Variants in RAI14 observed in about 807,000 individuals in gnomAD.
RAI14 encodes the protein retinoic acid induced 14, also known as ankycorbin.
Under a neutral mutation model 115.4 loss-of-function variants are expected in RAI14, and 45 were observed. The observed-to-expected ratio is 0.39, with a 90% CI of 0.31 to 0.50. The LOEUF (loss-of-function observed/expected upper bound fraction) is 0.50. RAI14 is among the 20% of genes least tolerant of loss of function. The pLI, the probability that RAI14 is intolerant of heterozygous loss-of-function variation, is 0.85. For missense variants in RAI14, 939 were observed against 1,131.2 expected (o/e 0.83, Z 2.44); for synonymous variants, 371 against 415.4 (o/e 0.89, Z 1.30).
intron 1 of RAI14, chr5:34,686,348 G>A (rs1283464603): frequency 6.6e-6 from 1 of 151,916 alleles, no homozygotes; most frequent in African/African-American, 2.4e-5. Context: ...ATGTGGGAGT[G>A]GGGGGTTGGG....
chr5:34,763,992 C>T (rs1749017647), intron 3 of RAI14, among the ~76,000 whole-genome samples: 1 of 152,148 alleles, frequency 6.6e-6, no homozygotes, highest in Non-Finnish European at 1.5e-5. Flanking sequence ...GCTGGGATTA[C>T]AGGTACCCAC....
chr5:34,799,493 G>GACAC (rs780186006), intron 4 of RAI14, among the ~76,000 whole-genome samples: 10,664 of 123,710 alleles, frequency 0.086, 582 homozygotes, highest in Non-Finnish European at 0.11. Flanking sequence ...CACACACACA[G>GACAC]ACACACACAC....
In RAI14 at chr5:34,692,501, T is replaced by C. The variant is rs561463846; in HGVS notation, c.36+5546T>C. 4.6e-5 allele frequency among the ~76,000 whole-genome samples: 7 copies of C among 152,066 alleles called. No homozygotes were observed. In the South Asian group the frequency reaches 1.5e-3, roughly 32 times the overall value. On this transcript the variant is annotated intron_variant, in intron 2 of 17. Transcript: ENST00000265109. ...GTGAGCCGAGATCACGCCACTGCACTCCAGCCTGGGCGATAGAGCGAGACT... is the reference window on the plus strand; with the variant it reads ...GTGAGCCGAGATCACGCCACTGCACCCCAGCCTGGGCGATAGAGCGAGACT...
At chr5:34,659,393 A>G (rs1362890775) in intron 1 of RAI14, among the ~76,000 whole-genome samples, 1 of 152,068 alleles carries the variant, frequency 6.6e-6, no homozygotes, top group African/African-American at 2.4e-5. Context: ...TCATCCTCCA[A>G]AGTGGCTGGG....
intron 2 of RAI14, among the ~76,000 whole-genome samples, chr5:34,696,006 G>C (rs1236427472): frequency 6.6e-6 from 1 of 152,076 alleles, no homozygotes; most frequent in Non-Finnish European, 1.5e-5. Flanking sequence ...TTTGTATAGA[G>C]ACAGTGTCTC....
intron 3 of RAI14, among the ~76,000 whole-genome samples, chr5:34,783,597 T>G (rs1482838065): frequency 6.6e-6 from 1 of 152,240 alleles, no homozygotes; most frequent in East Asian, 1.9e-4. Flanking sequence ...GCTGACAGCA[T>G]CTGGCCTTTA....
In RAI14 at chr5:34,823,541, A is replaced by G. The variant is rs368698491; in HGVS notation, c.1699A>G (p.Thr567Ala). 8.4e-5 allele frequency: 135 copies of G among 1,614,114 alleles called. 1 individual carries two copies. Among genetic ancestry groups the G allele is most frequent in the Non-Finnish European group, 1.1e-4 (129 of 1,180,046 alleles). ...AAAACTGGTAGAGAGGGAGAAAGGTACAGTGATTAAGCCACCTGTGGAAGA... is the reference window on the plus strand; with the variant it reads ...AAAACTGGTAGAGAGGGAGAAAGGTGCAGTGATTAAGCCACCTGTGGAAGA... ...EEKLVEREKG[T>A]VIKPPVEEYE... The change falls in exon 15 of 18, where the codon ACA becomes GCA. Residue 567 changes from threonine to alanine, a missense_variant. By Grantham distance (58) the Thr-to-Ala change is moderately conservative (BLOSUM62 0). Coordinates refer to ENST00000265109, the MANE Select transcript of RAI14 (RefSeq NM_015577.3). This position sits in a 1 kb window ranked among gnomAD's most constrained non-coding sequence, Gnocchi z 4.5.
chr5:34,748,382 T>C (rs1180455424), intron 2 of RAI14, among the ~76,000 whole-genome samples: 2 of 152,226 alleles, frequency 1.3e-5, no homozygotes, highest in Non-Finnish European at 2.9e-5. Flanking sequence ...CCGTGTTGTA[T>C]TGGTAATTTT....
chr5:34,767,472 CCAGCCTGCT>C (rs931809859), intron 3 of RAI14, among the ~76,000 whole-genome samples: 1 of 152,148 alleles, frequency 6.6e-6, no homozygotes, highest in Admixed American at 6.5e-5. Context: ...TGAGCAGCAA[CCAGCCTGCT>C]CAGAGGCTGG....
rs2150320242 is a variant in RAI14 at position 34,830,802 on chromosome 5, T to C, written c.*37T>C. 1 of 1,612,788 alleles carries C rather than the reference T, an allele frequency of 6.2e-7. No homozygotes were observed. Among genetic ancestry groups the C allele is most frequent in the Admixed American group, 1.7e-5 (1 of 60,004 alleles). On this transcript the variant is annotated 3_prime_UTR_variant, in exon 18 of 18. Coordinates refer to ENST00000265109, the MANE Select transcript of RAI14 (RefSeq NM_015577.3). Reference sequence around the variant, plus strand: ...TGGCAGGACACTGCCCCTTGTCATCTGTCTTTGTGTTAGATCCAGAGTTGT... The same window carrying C: ...TGGCAGGACACTGCCCCTTGTCATCCGTCTTTGTGTTAGATCCAGAGTTGT...
At position 34,687,999 on chromosome 5, in the gene RAI14, A is replaced by G. The variant is rs534137089; in HGVS notation, c.36+1044A>G. On this transcript the variant is annotated intron_variant, in intron 2 of 17. Coordinates refer to ENST00000265109, the MANE Select transcript of RAI14 (RefSeq NM_015577.3). ...GATGCTTATGGGATGATGGTAAAAT[A>G]CCGACCCACTTAAAGAAAGAACTGG... 90 of 1,268,936 alleles carry G rather than the reference A, an allele frequency of 7.1e-5. No individual in the cohort carries two copies. The African/African-American group carries it at 1.3e-3, about 18-fold the overall frequency. The allele number at this position is 1,268,936 out of a possible 1,614,324, so 78.6% of individuals were successfully genotyped here.
At chr5:34,774,395 CTG>C (rs1480674663) in intron 3 of RAI14, among the ~76,000 whole-genome samples, 1 of 151,842 alleles carries the variant, frequency 6.6e-6, no homozygotes, top group Non-Finnish European at 1.5e-5. Context: ...AACAAAAAAA[CTG>C]ATAAGCAAGT....
At chr5:34,801,465 C>T (rs572803958) in intron 4 of RAI14, among the ~76,000 whole-genome samples, 2 of 150,096 alleles carry the variant, frequency 1.3e-5, no homozygotes, top group Admixed American at 6.8e-5. Flanking sequence ...AAAATGGGGC[C>T]GGGCGCAGTG....
At chr5:34,797,925 T>A (rs1753730235) in intron 4 of RAI14, among the ~76,000 whole-genome samples, 1 of 152,216 alleles carries the variant, frequency 6.6e-6, no homozygotes, top group Admixed American at 6.5e-5. Context: ...TCATTGTACT[T>A]GATATTAAGA....
At chr5:34,822,711 T>C (rs182824884) in intron 14 of RAI14, among the ~76,000 whole-genome samples, 8,826 of 120,646 alleles carry the variant, frequency 0.073, 581 homozygotes, top group South Asian at 0.11. Flanking sequence ...TGAGACGGAG[T>C]CTTGCTCTGT....
chr5:34,713,455 G>T (rs1169524650), intron 2 of RAI14, among the ~76,000 whole-genome samples: 1 of 151,750 alleles, frequency 6.6e-6, no homozygotes, highest in African/African-American at 2.4e-5. Flanking sequence ...TGAACTTCTG[G>T]ACTCAACAGT....
chr5:34,807,778 T>C, intron 5 of RAI14, 22 bp from the exon 6 acceptor site: 1 of 1,565,328 alleles, frequency 6.4e-7, no homozygotes, highest in Non-Finnish European at 8.8e-7. Flanking sequence ...ATTATATGGA[T>C]GTATTTATTT....
In RAI14 at chr5:34,791,148, G is replaced by T. The variant is rs1233678852; in HGVS notation, c.168-4791G>T. On this transcript the variant is annotated intron_variant, in intron 3 of 17. Transcript: ENST00000265109. This position sits in a 1 kb window ranked among gnomAD's most constrained non-coding sequence, Gnocchi z 5.4. ...AATTTTGTTTTTGTAGCAGTTGTTTGTATCCATGTGTGTTGGTGCCCATAT... is the reference window on the plus strand; with the variant it reads ...AATTTTGTTTTTGTAGCAGTTGTTTTTATCCATGTGTGTTGGTGCCCATAT... 3.3e-5 allele frequency among the ~76,000 whole-genome samples: 5 copies of T among 152,098 alleles called. No homozygotes were observed. In the East Asian group the frequency reaches 9.6e-4, roughly 29 times the overall value.
chr5:34,783,731 A>G (rs539842241), intron 3 of RAI14, among the ~76,000 whole-genome samples: 2 of 152,328 alleles, frequency 1.3e-5, no homozygotes, highest in Admixed American at 1.3e-4. Context: ...CATTCTTTCC[A>G]CTATGGCTTG....
Sources: gnomAD v4.1 joint callset for allele counts (sites outside exome capture counted in the v4.1 genomes callset) on GRCh38, gnomAD v4.1.1 for gene constraint, Gnocchi (gnomAD v3.1) non-coding constraint, MANE v1.5 for transcripts, NCBI Gene and HGNC (gene_info 2026-07-23, HGNC 2026-07-21) for gene names.